Variants in USH2A observed in about 807,000 individuals in gnomAD.
USH2A encodes the protein usherin, also known as Usher syndrome 2A (autosomal recessive, mild).
In USH2A, 443 loss-of-function variants were observed where a neutral mutation model predicts 538.9. That is an observed-to-expected ratio of 0.82 (90% CI 0.76 to 0.89). The LOEUF (loss-of-function observed/expected upper bound fraction) is 0.89, where lower values mean the gene tolerates loss of function less well. Among genes scored for constraint, USH2A ranks in the 40% least tolerant of loss-of-function variants. The probability of loss-of-function intolerance (pLI) is 0.00; values close to 1 mark genes in which losing one functional copy is unlikely to be tolerated. For synonymous variants in USH2A, 2,413 were observed against 2,273.5 expected, an observed-to-expected ratio of 1.06 and a Z score of -1.75; for missense variants, 6,633 against 6,324.8, an observed-to-expected ratio of 1.05 and a Z score of -1.65.
chr1:215,642,221 C>T (rs1283994029), intron 67 of USH2A, among the ~76,000 whole-genome samples: 2 of 152,210 alleles, frequency 1.3e-5, no homozygotes, highest in African/African-American at 4.8e-5. Flanking sequence ...TACCACTACG[C>T]TCCTAGCTTT....
At chr1:215,858,131 C>T (rs761051683) in intron 44 of USH2A, among the ~76,000 whole-genome samples, 4 of 151,984 alleles carry the variant, frequency 2.6e-5, no homozygotes, top group East Asian at 3.9e-4. Context: ...AGAAAGAAAT[C>T]GGGATTTCCT....
At chr1:216,373,531 T>G (rs2102721266) in intron 3 of USH2A, among the ~76,000 whole-genome samples, 1 of 152,314 alleles carries the variant, frequency 6.6e-6, no homozygotes, top group Non-Finnish European at 1.5e-5. Flanking sequence ...CAAAGAATTT[T>G]TTCTGACCCA....
chr1:216,177,382 C>A lies in USH2A; in HGVS notation c.4397-1900G>T, dbSNP rs151049577. The stretch of plus-strand genomic sequence containing the variant: ...TTTGGTCAAAAAAGCTCCTTTTATA[C>A]GCTATTTTCTATTTTTAAAGCTTAA... On this transcript the variant is annotated intron_variant, in intron 20 of 71. Coordinates refer to ENST00000307340, the MANE Select transcript of USH2A (RefSeq NM_206933.4). Among the ~76,000 whole-genome samples, 5 of 152,110 alleles carry A rather than the reference C, an allele frequency of 3.3e-5. 1 individual carries two copies. Among genetic ancestry groups the A allele is most frequent in the Admixed American group, 3.3e-4 (5 of 15,270 alleles).
chr1:216,256,735 G>A lies in USH2A; in HGVS notation c.1972-5637C>T, dbSNP rs141480617. 5.4e-3 allele frequency among the ~76,000 whole-genome samples: 827 copies of A among 151,964 alleles called. 6 individuals carry two copies. The highest frequency in any genetic ancestry group is 8.3e-3 in the Non-Finnish European group (564 of 67,892). On this transcript the variant is annotated intron_variant, in intron 11 of 71. Transcript: ENST00000307340. ...TTCTCTTTCTTATGATTGTCCTAAA[G>A]ATTCTCTTTTCTCTAGATTACTTTA...
chr1:215,984,066 C>T (rs1403183035), intron 35 of USH2A, among the ~76,000 whole-genome samples: 1 of 152,178 alleles, frequency 6.6e-6, no homozygotes, highest in Non-Finnish European at 1.5e-5. Flanking sequence ...TTTGCCGTTG[C>T]TGCCCATGGA....
intron 11 of USH2A, among the ~76,000 whole-genome samples, chr1:216,262,576 G>GT (rs1412822829): frequency 9.9e-5 from 15 of 152,168 alleles, no homozygotes; most frequent in African/African-American, 3.4e-4. Context: ...TACAGGACTT[G>GT]TGGGACACCA....
Position 215,713,696 on chromosome 1 carries a change from C to A in USH2A, c.12066+14334G>T, listed in dbSNP as rs554381375. Among the ~76,000 whole-genome samples, 5 of 152,332 alleles carry A rather than the reference C, an allele frequency of 3.3e-5. No individual in the cohort carries two copies. In the East Asian group the frequency reaches 9.6e-4, roughly 29 times the overall value. On this transcript the variant is annotated intron_variant, in intron 61 of 71. Transcript: ENST00000307340. ...TTCCAGTCCAAGTGATCTTTTAATT[C>A]TTTGAAACTTTTATCAATTGTTTTC...
chr1:216,255,384 A>G (rs2036239547), intron 11 of USH2A, among the ~76,000 whole-genome samples: 2 of 152,172 alleles, frequency 1.3e-5, no homozygotes, highest in Admixed American at 6.5e-5. Flanking sequence ...TATACTACTA[A>G]GTCCTGCCAT....
intron 38 of USH2A, among the ~76,000 whole-genome samples, chr1:215,911,150 C>T (rs1487653953): frequency 6.6e-6 from 1 of 151,850 alleles, no homozygotes; most frequent in Non-Finnish European, 1.5e-5. Flanking sequence ...GAAACAAGCA[C>T]ATCATGGAGA....
At chr1:215,994,421 G>T (rs1407283705) in intron 34 of USH2A, among the ~76,000 whole-genome samples, 1 of 151,916 alleles carries the variant, frequency 6.6e-6, no homozygotes. Context: ...ACTACTATTT[G>T]CAAAGTTGTT....
At chr1:216,134,856 C>T (rs766220745) in intron 21 of USH2A, among the ~76,000 whole-genome samples, 50 of 152,070 alleles carry the variant, frequency 3.3e-4, no homozygotes, top group Non-Finnish European at 6.2e-4. Context: ...GAATCGATGG[C>T]AAGTAAAGAG....
chr1:215,827,345 A>G (rs1663183174), intron 47 of USH2A, among the ~76,000 whole-genome samples: 1 of 152,174 alleles, frequency 6.6e-6, no homozygotes, highest in Non-Finnish European at 1.5e-5. Flanking sequence ...TTTTGCTGAA[A>G]GGCACTCAAA....
At chr1:215,847,287 C>A (rs937461248) in intron 44 of USH2A, among the ~76,000 whole-genome samples, 5 of 152,216 alleles carry the variant, frequency 3.3e-5, no homozygotes, top group South Asian at 2.1e-4. Context: ...GAAACGATTA[C>A]CTTAGTTTGT....
At chr1:216,065,568 A>T (rs2031329242) in intron 30 of USH2A, among the ~76,000 whole-genome samples, 1 of 152,176 alleles carries the variant, frequency 6.6e-6, no homozygotes, top group South Asian at 2.1e-4. Flanking sequence ...GCAGAGAAAA[A>T]CTTTAATGAG....
At chr1:216,200,240 G>T in intron 16 of USH2A, 119 bp from the exon 17 acceptor site, 2 of 1,054,830 alleles carry the variant, frequency 1.9e-6, no homozygotes, top group Non-Finnish European at 1.3e-6. Context: ...CTACTCTTTT[G>T]ATTAAGGATA....
At chr1:216,365,259 T>A (rs1413997946) in intron 3 of USH2A, among the ~76,000 whole-genome samples, 174 bp from the exon 4 acceptor site, 1 of 152,140 alleles carries the variant, frequency 6.6e-6, no homozygotes, top group African/African-American at 2.4e-5. Context: ...TATCTAGATA[T>A]AAACCTATAT....
Position 216,046,533 on chromosome 1 carries a change from A to T in USH2A, c.6223T>A (p.Trp2075Arg), listed in dbSNP as rs1379772112. 6.2e-7 allele frequency: 1 copy of T among 1,613,912 alleles called. No homozygotes were observed. The highest frequency in any genetic ancestry group is 1.1e-5 in the South Asian group (1 of 91,080). The change falls in exon 32 of 72, where the codon TGG becomes AGG. Residue 2075 changes from tryptophan to arginine, a missense_variant. Transcript: ENST00000307340. Reference sequence around the variant, plus strand: ...CCATTTGCCTTTTTGGGTGGGTTCCAGGAGAGCAGCAAAGAACTGGGAAGG... The same window carrying T: ...CCATTTGCCTTTTTGGGTGGGTTCCTGGAGAGCAGCAAAGAACTGGGAAGG... ...KSLPSSLLLS[W>R]NPPKKANGII... is the part of the protein sequence containing the mutation.
intron 47 of USH2A, among the ~76,000 whole-genome samples, chr1:215,822,724 C>T (rs1663045258): frequency 6.6e-6 from 1 of 151,846 alleles, no homozygotes; most frequent in South Asian, 2.1e-4. Flanking sequence ...TTCATTTTTT[C>T]CCAGTTCAGT....
At position 216,196,707 on chromosome 1, in the gene USH2A, A is replaced by G. The variant is rs2102460721; in HGVS notation, c.4097T>C (p.Ile1366Thr). 6.2e-7 allele frequency: 1 copy of G among 1,613,178 alleles called. No individual in the cohort carries two copies. Among genetic ancestry groups the G allele is most frequent in the Non-Finnish European group, 8.5e-7 (1 of 1,179,480 alleles). The part of the protein sequence containing the change: ...RTGESAPVFM[I>T]PPSVFPLSSY... ...AGAGAGGGGAAAGACTGAAGGAGGGATCATGAATACAGGTGCTATCAATGA... is the reference window on the plus strand; with the variant it reads ...AGAGAGGGGAAAGACTGAAGGAGGGGTCATGAATACAGGTGCTATCAATGA... Residue 1366 changes from isoleucine to threonine, a missense_variant, in exon 19 of 72, where the codon ATC becomes ACC. Physicochemically the swap from Ile to Thr is moderately conservative, Grantham distance 89 (BLOSUM62 -1). Transcript: ENST00000307340.
Sources: allele counts gnomAD v4.1 joint callset (sites outside exome capture counted in the v4.1 genomes callset), GRCh38; gene constraint gnomAD v4.1.1; transcripts MANE v1.5; gene names NCBI Gene and HGNC (gene_info 2026-07-23, HGNC 2026-07-21).